Variants in ITPK1 observed in about 807,000 individuals in gnomAD.
The protein encoded by ITPK1 is inositol-tetrakisphosphate 1-kinase, also known as inositol 1,3,4-trisphosphate 5/6-kinase.
A neutral mutation model predicts 45.3 loss-of-function variants in ITPK1; 21 were observed. The ratio of observed to expected loss-of-function variants is 0.46; its 90% CI spans 0.33 to 0.67. The LOEUF is 0.67. Ranked by LOEUF, ITPK1 falls within the 30% of genes least tolerant of loss-of-function variation. ITPK1 has a pLI of 0.02. For missense variants in ITPK1, 474 were observed against 573.5 expected (o/e 0.83, Z 1.77); for synonymous variants, 258 against 253.6 (o/e 1.02, Z -0.16).
chr14:92,961,744 T>A (rs1026367714), intron 7 of ITPK1, among the ~76,000 whole-genome samples: 2 of 152,162 alleles, frequency 1.3e-5, no homozygotes, highest in Non-Finnish European at 2.9e-5. Context: ...TGCCCCAGAA[T>A]TCCTACGCTG....
intron 5 of ITPK1, among the ~76,000 whole-genome samples, chr14:92,969,959 A>G (rs1456492263): frequency 1.3e-5 from 2 of 152,136 alleles, no homozygotes; most frequent in Non-Finnish European, 2.9e-5. Context: ...TCCCAGCCAC[A>G]GGCTTCCACA....
chr14:92,952,995 T>C (rs149316809), intron 8 of ITPK1, among the ~76,000 whole-genome samples: 2,771 of 152,288 alleles, frequency 0.018, 74 homozygotes, highest in Admixed American at 0.08. Flanking sequence ...AGCCCCTCCT[T>C]GAGTCCTTGC....
At chr14:93,060,546 C>T (rs976557711) in intron 3 of ITPK1, among the ~76,000 whole-genome samples, 7 of 152,112 alleles carry the variant, frequency 4.6e-5, no homozygotes, top group African/African-American at 1.7e-4. Flanking sequence ...GAAACAAGCT[C>T]AGGAATGGAG....
rs1887203877 is a variant in ITPK1 at position 92,938,207 on chromosome 14, C to T, written c.*3354G>A. 5.7e-6 allele frequency: 3 copies of T among 526,244 alleles called. No individual in the cohort carries two copies. The highest frequency in any genetic ancestry group is 3.4e-5 in the Admixed American group (1 of 29,426). The allele number at this position is 526,244 out of a possible 1,614,324, so 32.6% of individuals were successfully genotyped here. On this transcript the variant is annotated 3_prime_UTR_variant, in exon 11 of 11. Transcript: ENST00000267615. ...TCTCTTGACCTTGTGATCCACCTGC[C>T]TCAGCCTCCCTAAGTGCTGGGATGA...
chr14:93,046,780 A>G (rs995421220), intron 3 of ITPK1, among the ~76,000 whole-genome samples: 2 of 152,196 alleles, frequency 1.3e-5, no homozygotes, highest in African/African-American at 2.4e-5. Flanking sequence ...ACGATGGTTC[A>G]TTACCATCAA....
At chr14:93,098,535 C>G (rs1333377905) in intron 2 of ITPK1, among the ~76,000 whole-genome samples, 1 of 152,012 alleles carries the variant, frequency 6.6e-6, no homozygotes, top group Non-Finnish European at 1.5e-5. Flanking sequence ...GGCTAAGGCA[C>G]AAGAATTGCT....
At chr14:92,960,517 C>T (rs1335415088) in intron 7 of ITPK1, among the ~76,000 whole-genome samples, 1 of 152,214 alleles carries the variant, frequency 6.6e-6, no homozygotes. Flanking sequence ...CAAAGTCGCA[C>T]AAATGGCAAC....
At chr14:93,048,386 A>G (rs137969610) in intron 3 of ITPK1, among the ~76,000 whole-genome samples, 166 of 152,356 alleles carry the variant, frequency 1.1e-3, no homozygotes, top group African/African-American at 3.7e-3. Context: ...TCTGGTTTTA[A>G]GTGGTGACTA....
At chr14:92,968,352 T>G (rs1885482102) in intron 5 of ITPK1, among the ~76,000 whole-genome samples, 1 of 151,768 alleles carries the variant, frequency 6.6e-6, no homozygotes, top group Non-Finnish European at 1.5e-5. Flanking sequence ...GAAAGGTAAA[T>G]GTATGATACA....
chr14:93,029,615 G>C (rs1440175821), intron 3 of ITPK1, among the ~76,000 whole-genome samples: 2 of 152,136 alleles, frequency 1.3e-5, no homozygotes, highest in African/African-American at 4.8e-5. Flanking sequence ...AGCCAAGCCG[G>C]CAGGCCACAA....
rs141348623 is a variant in ITPK1, at chr14:93,015,826, C to T, written c.246+850G>A. Among the ~76,000 whole-genome samples, 626 of 152,296 alleles carry T rather than the reference C, an allele frequency of 4.1e-3. 4 individuals carry two copies. Among genetic ancestry groups the T allele is most frequent in the African/African-American group, 0.014 (587 of 41,566 alleles). ...CGGGGAGAGAACAGTGTCGGCAGGA[C>T]GGCAGCACCGGGTGACTAGGAGGCG... On this transcript the variant is annotated intron_variant, in intron 4 of 10. Transcript: ENST00000267615.
At chr14:93,007,597 A>AC (rs1887686917) in intron 4 of ITPK1, among the ~76,000 whole-genome samples, 1 of 151,500 alleles carries the variant, frequency 6.6e-6, no homozygotes, top group Non-Finnish European at 1.5e-5. Flanking sequence ...AGGCCAGAGG[A>AC]CCCCTGGGCT....
chr14:93,080,263 C>T (rs996524798), intron 2 of ITPK1, among the ~76,000 whole-genome samples: 1 of 152,178 alleles, frequency 6.6e-6, no homozygotes. Context: ...CATGGCAGGG[C>T]CCCTGGTCAA....
At chr14:93,099,501 C>T (rs1378012670) in intron 2 of ITPK1, among the ~76,000 whole-genome samples, 1 of 152,152 alleles carries the variant, frequency 6.6e-6, no homozygotes, top group East Asian at 1.9e-4. Context: ...GCAGCATTTC[C>T]CAAGGCCCGG....
chr14:93,003,679 G>C (rs543275292), intron 4 of ITPK1, among the ~76,000 whole-genome samples: 2 of 152,210 alleles, frequency 1.3e-5, no homozygotes, highest in Non-Finnish European at 2.9e-5. Flanking sequence ...TGGGCAGCGT[G>C]CAACCTATGT....
intron 3 of ITPK1, among the ~76,000 whole-genome samples, chr14:93,060,914 TAAA>T (rs1890491323): frequency 1.3e-5 from 2 of 152,006 alleles, no homozygotes; most frequent in Admixed American, 1.3e-4. Context: ...AAGATAAAAG[TAAA>T]AAAGTCCAAG....
Position 93,115,086 on chromosome 14 carries a change from G to A in ITPK1, c.78C>T (p.Ala26=), listed in dbSNP as rs11845925. 16 of 1,600,106 alleles carry A rather than the reference G, an allele frequency of 1.0e-5. No individual in the cohort carries two copies. The highest frequency in any genetic ancestry group is 6.7e-5 in the South Asian group (6 of 89,564). ...EKKIKKLNFQ[A]FAELCRKRGM... is the part of the protein sequence containing the mutation. ...CTCCTTACCTGCACAGCTCGGCGAA[G>A]GCCTGGAAATTCAGCTTCTTGATTT... The change falls in exon 2 of 11, where the codon GCC becomes GCT. Residue 26 remains alanine (A), a synonymous_variant. Coordinates refer to ENST00000267615, the MANE Select transcript of ITPK1 (RefSeq NM_014216.6).
intron 8 of ITPK1, among the ~76,000 whole-genome samples, chr14:92,955,969 G>A (rs1419787335): frequency 1.3e-5 from 2 of 152,168 alleles, no homozygotes; most frequent in African/African-American, 2.4e-5. Flanking sequence ...GAGGACCCAC[G>A]TTAGCTCCCT....
Position 93,097,926 on chromosome 14 carries a change from T to C in ITPK1, c.95+17143A>G, listed in dbSNP as rs529190396. 3.9e-5 allele frequency among the ~76,000 whole-genome samples: 6 copies of C among 152,022 alleles called. No homozygotes were observed. The East Asian group carries it at 1.2e-3, about 30-fold the overall frequency. ...CAGGAGGCTGAGGCAGGAGAATCAC[T>C]TGAACCTGGGAGGCAGAGGTTGCAG... On this transcript the variant is annotated intron_variant, in intron 2 of 10. Transcript: ENST00000267615.
Sources: allele counts gnomAD v4.1 joint callset (sites outside exome capture counted in the v4.1 genomes callset), GRCh38; gene constraint gnomAD v4.1.1; transcripts MANE v1.5; gene names NCBI Gene and HGNC (gene_info 2026-07-23, HGNC 2026-07-21).